Variants in CTNNA3 observed in about 807,000 individuals in gnomAD.
CTNNA3 encodes catenin alpha-3.
CTNNA3 carries 76 observed loss-of-function variants against 95.7 expected under a neutral mutation model. The ratio of observed to expected loss-of-function variants is 0.79; its 90% CI spans 0.66 to 0.96. The LOEUF is 0.96. Among genes scored for constraint, CTNNA3 ranks in the 40% least tolerant of loss-of-function variants. The probability of loss-of-function intolerance (pLI) is 0.00; values close to 1 mark genes in which losing one functional copy is unlikely to be tolerated. For synonymous variants in CTNNA3, 431 were observed against 374.4 expected, an observed-to-expected ratio of 1.15 and a Z score of -1.74; for missense variants, 1,191 against 1,089.8, an observed-to-expected ratio of 1.09 and a Z score of -1.31.
At chr10:66,978,365 A>C (rs1850185300) in intron 7 of CTNNA3, among the ~76,000 whole-genome samples, 1 of 151,312 alleles carries the variant, frequency 6.6e-6, no homozygotes, top group Non-Finnish European at 1.5e-5. Flanking sequence ...GTCTCTACTA[A>C]AAATACAAAA....
intron 9 of CTNNA3, among the ~76,000 whole-genome samples, chr10:66,675,605 A>T (rs1197863016): frequency 2.0e-5 from 3 of 152,084 alleles, no homozygotes; most frequent in Non-Finnish European, 4.4e-5. Context: ...ATTGAGAACT[A>T]TGTTATTTTC....
intron 3 of CTNNA3, among the ~76,000 whole-genome samples, chr10:67,576,678 A>G (rs1160619457): frequency 2.9e-5 from 4 of 139,250 alleles, no homozygotes; most frequent in Non-Finnish European, 4.6e-5. Flanking sequence ...AGCATTAGGT[A>G]TATCTCCTAA....
intron 5 of CTNNA3, among the ~76,000 whole-genome samples, chr10:67,248,686 T>C (rs868394147): frequency 2.8e-4 from 43 of 152,200 alleles, no homozygotes; most frequent in Middle Eastern, 3.4e-3. Context: ...CTCAGCCTCC[T>C]GAAAGTGCTG....
At chr10:66,374,893 G>A (rs937602481) in intron 12 of CTNNA3, among the ~76,000 whole-genome samples, 20 of 151,964 alleles carry the variant, frequency 1.3e-4, no homozygotes, top group African/African-American at 4.6e-4. Context: ...GGGATTACAG[G>A]TGTGAGCCAC....
chr10:67,248,732 A>G (rs887968990), intron 5 of CTNNA3, among the ~76,000 whole-genome samples: 1 of 152,150 alleles, frequency 6.6e-6, no homozygotes, highest in Non-Finnish European at 1.5e-5. Flanking sequence ...CTGAGCAACA[A>G]TTGGATATAT....
chr10:66,983,764 G>A (rs960980529), intron 7 of CTNNA3, among the ~76,000 whole-genome samples: 3 of 152,130 alleles, frequency 2.0e-5, no homozygotes, highest in Non-Finnish European at 4.4e-5. Flanking sequence ...AATGCAAAGT[G>A]GGGGATAAAT....
chr10:67,176,073 A>C (rs1862229684), intron 7 of CTNNA3, among the ~76,000 whole-genome samples: 2 of 152,088 alleles, frequency 1.3e-5, no homozygotes, highest in Admixed American at 1.3e-4. Context: ...CAAAAGCTAT[A>C]TTTTTTCTGA....
At chr10:67,166,426 C>A (rs780673587) in intron 7 of CTNNA3, among the ~76,000 whole-genome samples, 14 of 152,094 alleles carry the variant, frequency 9.2e-5, no homozygotes, top group Non-Finnish European at 1.8e-4. Flanking sequence ...TCACCCACTT[C>A]AGATCTCTGT....
intron 5 of CTNNA3, among the ~76,000 whole-genome samples, chr10:67,379,591 G>A (rs1219824565): frequency 6.6e-6 from 1 of 152,118 alleles, no homozygotes; most frequent in Non-Finnish European, 1.5e-5. Context: ...ATACTTTAAA[G>A]GCTCTTGGTA....
At chr10:67,159,443 TA>T (rs1352416179) in intron 7 of CTNNA3, among the ~76,000 whole-genome samples, 1 of 152,066 alleles carries the variant, frequency 6.6e-6, no homozygotes, top group Non-Finnish European at 1.5e-5. Context: ...CTACACTAAT[TA>T]AGACAGTATG....
chr10:67,718,213 G>A (rs557031645), intron 1 of CTNNA3, among the ~76,000 whole-genome samples: 2 of 152,170 alleles, frequency 1.3e-5, no homozygotes, highest in Non-Finnish European at 2.9e-5. Context: ...AGGAGATTTG[G>A]AGCTGAGAAA....
intron 10 of CTNNA3, among the ~76,000 whole-genome samples, chr10:66,530,857 A>G (rs1405102996): frequency 6.6e-6 from 1 of 152,164 alleles, no homozygotes; most frequent in Non-Finnish European, 1.5e-5. Context: ...GGTTAAAAGT[A>G]TTTTTTAAGA....
At chr10:67,266,438 G>C (rs1428703169) in intron 5 of CTNNA3, among the ~76,000 whole-genome samples, 1 of 152,054 alleles carries the variant, frequency 6.6e-6, no homozygotes, top group African/African-American at 2.4e-5. Flanking sequence ...CGAGCATGCG[G>C]TTGGCATTTT....
At chr10:67,161,219 A>G (rs1301841290) in intron 7 of CTNNA3, among the ~76,000 whole-genome samples, 2 of 152,136 alleles carry the variant, frequency 1.3e-5, no homozygotes, top group African/African-American at 4.8e-5. Flanking sequence ...AAAATAAATA[A>G]AAGTAGTAAT....
intron 11 of CTNNA3, among the ~76,000 whole-genome samples, chr10:66,502,757 C>G (rs10822841): frequency 0.34 from 52,336 of 151,860 alleles, 10,334 homozygotes; most frequent in Non-Finnish European, 0.43. Context: ...ATACTTGTAC[C>G]GGGTTTTCCT....
chr10:66,078,070 C>G (rs1367970885), intron 14 of CTNNA3, among the ~76,000 whole-genome samples: 1 of 151,832 alleles, frequency 6.6e-6, no homozygotes, highest in Non-Finnish European at 1.5e-5. Context: ...TGATATCTTA[C>G]TTTTGTCTTC....
At position 67,378,644 on chromosome 10, in the gene CTNNA3, G is replaced by A. The variant is rs567162622; in HGVS notation, c.579+143198C>T. Among the ~76,000 whole-genome samples the A allele has an allele frequency of 2.7e-3, 411 of 152,268 alleles. 4 individuals are homozygous for A. The highest frequency in any genetic ancestry group is 9.5e-3 in the African/African-American group (393 of 41,564). On this transcript the variant is annotated intron_variant, in intron 5 of 17. Coordinates refer to ENST00000433211, the MANE Select transcript of CTNNA3 (RefSeq NM_013266.4). ...AAGTCCCTCATCCACGTATGACTTA[G>A]AACATGCAGTTTTTAACTGTCTGTT...
At chr10:67,413,915 T>A (rs1333521609) in intron 5 of CTNNA3, among the ~76,000 whole-genome samples, 1 of 152,048 alleles carries the variant, frequency 6.6e-6, no homozygotes, top group East Asian at 1.9e-4. Context: ...TACCAAAATC[T>A]CTGAGATATA....
At chr10:67,653,752 A>T (rs938269664) in intron 1 of CTNNA3, among the ~76,000 whole-genome samples, 38 of 152,058 alleles carry the variant, frequency 2.5e-4, no homozygotes, top group Non-Finnish European at 5.0e-4. Flanking sequence ...CTTTCTCTAT[A>T]ACCCTGGGCA....
Sources: gnomAD v4.1 joint callset for allele counts (sites outside exome capture counted in the v4.1 genomes callset) on GRCh38, gnomAD v4.1.1 for gene constraint, MANE v1.5 for transcripts, NCBI Gene and HGNC (gene_info 2026-07-23, HGNC 2026-07-21) for gene names.